The following SCO1 variants were observed in gnomAD, a reference collection of about 807,000 sequenced individuals.
SCO1 encodes cytochrome c oxidase assembly factor SCO1.
A neutral mutation model predicts 34.0 loss-of-function variants in SCO1; 23 were observed. The observed-to-expected ratio is 0.68, with a 90% confidence interval of 0.49 to 0.96. The LOEUF (loss-of-function observed/expected upper bound fraction) is 0.96. Among genes scored for constraint, SCO1 ranks in the 40% least tolerant of loss-of-function variants. The pLI, the probability that SCO1 is intolerant of heterozygous loss-of-function variation, is 0.00. For synonymous variants in SCO1, 161 were observed against 145.5 expected (o/e 1.11, Z -0.77); for missense variants, 404 against 381.6 (o/e 1.06, Z -0.49).
At chr17:10,687,803 C>A (rs1052391674) in intron 4 of SCO1, among the ~76,000 whole-genome samples, 1 of 152,122 alleles carries the variant, frequency 6.6e-6, no homozygotes, top group Non-Finnish European at 1.5e-5. Flanking sequence ...TTGAAAATTA[C>A]CATAAAGTCT....
intron 5 of SCO1, among the ~76,000 whole-genome samples, chr17:10,684,392 C>G (rs921922550): frequency 1.3e-5 from 2 of 152,088 alleles, no homozygotes; most frequent in Non-Finnish European, 2.9e-5. Context: ...GCAGGCTACA[C>G]GATTAAAGGT....
At position 10,692,941 on chromosome 17, in the gene SCO1, G is replaced by A. The variant is rs1199224400; in HGVS notation, c.385C>T (p.Arg129Ter). 8 of 1,614,022 alleles carry A rather than the reference G, an allele frequency of 5.0e-6. No homozygotes were observed. Among genetic ancestry groups the A allele is most frequent in the South Asian group, 3.3e-5 (3 of 91,078 alleles). The change falls in exon 3 of 6, where the codon CGA becomes TGA. Residue 129 changes from arginine (R) to a stop codon, truncating the protein, a stop_gained. Coordinates refer to ENST00000255390, the MANE Select transcript of SCO1 (RefSeq NM_004589.4). LOFTEE classifies it high-confidence loss of function. The stretch of plus-strand genomic sequence containing the variant: ...CCAAGTAAAGGCTTGCCGATGTGTC[G>A]CTGCCGTTCCTTCTCTAACTCTTAA... ...KAEKLEKERQRHIGKPLLGGP... is the reference protein window; with the variant it reads ...KAEKLEKERQ
intron 4 of SCO1, among the ~76,000 whole-genome samples, chr17:10,687,292 C>T (rs2074662611): frequency 6.6e-6 from 1 of 152,182 alleles, no homozygotes; most frequent in African/African-American, 2.4e-5. Context: ...AATTTCAACA[C>T]TGGTATCAAG....
Position 10,681,051 on chromosome 17 carries a change from A to C in SCO1, c.*68T>G, listed in dbSNP as rs956727527. 5.2e-6 allele frequency: 8 copies of C among 1,552,534 alleles called. No individual in the cohort carries two copies. The highest frequency in any genetic ancestry group is 5.3e-6 in the Non-Finnish European group (6 of 1,124,262). On this transcript the variant is annotated 3_prime_UTR_variant, in exon 6 of 6. Coordinates refer to ENST00000255390, the MANE Select transcript of SCO1 (RefSeq NM_004589.4). ...CACGTATATATGTTTATATTTATATAGGCTCCTATGCGAGACAGTTTCCTT... is the reference window on the plus strand; with the variant it reads ...CACGTATATATGTTTATATTTATATCGGCTCCTATGCGAGACAGTTTCCTT...
chr17:10,681,350 T>A, intron 5 of SCO1, 97 bp from the exon 6 acceptor site: 1 of 1,280,228 alleles, frequency 7.8e-7, no homozygotes, highest in Admixed American at 1.7e-5. Flanking sequence ...TTTACATTAA[T>A]GCTTAAATAA....
At position 10,692,937 on chromosome 17, in the gene SCO1, T is replaced by G; in HGVS notation, c.389A>C (p.His130Pro). The G allele has an allele frequency of 6.2e-7, 1 of 1,614,152 alleles. No homozygotes were observed. The highest frequency in any genetic ancestry group is 8.5e-7 in the Non-Finnish European group (1 of 1,180,034). The change falls in exon 3 of 6, where the codon CAC becomes CCC. Residue 130 changes from histidine to proline, a missense_variant. Coordinates refer to ENST00000255390, the MANE Select transcript of SCO1 (RefSeq NM_004589.4). Reference protein sequence around the residue: ...AEKLEKERQRHIGKPLLGGPF... With the variant: ...AEKLEKERQRPIGKPLLGGPF... ...TCCCCCAAGTAAAGGCTTGCCGATGTGTCGCTGCCGTTCCTTCTCTAACTC... is the reference window on the plus strand; with the variant it reads ...TCCCCCAAGTAAAGGCTTGCCGATGGGTCGCTGCCGTTCCTTCTCTAACTC...
chr17:10,693,709 G>C (rs1347210706), intron 2 of SCO1, among the ~76,000 whole-genome samples: 2 of 152,164 alleles, frequency 1.3e-5, no homozygotes, highest in South Asian at 4.1e-4. Flanking sequence ...GCTGATACCA[G>C]GGTTGCGGCA....
At chr17:10,691,141 A>G (rs2074687000) in intron 4 of SCO1, among the ~76,000 whole-genome samples, 1 of 152,188 alleles carries the variant, frequency 6.6e-6, no homozygotes, top group African/African-American at 2.4e-5. Context: ...TATCTTTAAG[A>G]CAGAGTCTAG....
At chr17:10,691,709 CACTA>C (rs2074690481) in intron 4 of SCO1, among the ~76,000 whole-genome samples, 159 bp downstream of exon 4, 1 of 152,192 alleles carries the variant, frequency 6.6e-6, no homozygotes, top group Admixed American at 6.5e-5. Flanking sequence ...CTTACTTACG[CACTA>C]ACTATCCATA....
At chr17:10,686,991 G>A (rs148024980) in intron 4 of SCO1, 149 bp from the exon 5 acceptor site, 7 of 668,230 alleles carry the variant, frequency 1.0e-5, no homozygotes, top group Admixed American at 2.4e-5. Context: ...AAAGGAAAAG[G>A]AGAAGAAATT....
chr17:10,696,703 C>G (rs995643688), intron 1 of SCO1, among the ~76,000 whole-genome samples: 2 of 152,118 alleles, frequency 1.3e-5, no homozygotes, highest in African/African-American at 4.8e-5. Context: ...TTAACCTTCC[C>G]GTAGCTCCAA....
intron 4 of SCO1, among the ~76,000 whole-genome samples, chr17:10,687,906 A>G (rs991684400): frequency 9.9e-5 from 15 of 152,056 alleles, no homozygotes; most frequent in South Asian, 8.3e-4. Context: ...AATATAACAC[A>G]TGTTTAAATT....
intron 4 of SCO1, among the ~76,000 whole-genome samples, chr17:10,690,570 TCA>T (rs890190957): frequency 7.2e-5 from 11 of 152,152 alleles, no homozygotes; most frequent in Non-Finnish European, 5.9e-5. Context: ...CAAAGATACC[TCA>T]CACACACCAT....
At position 10,686,916 on chromosome 17, in the gene SCO1, T is replaced by G. The variant is rs1392570560; in HGVS notation, c.656-74A>C. ...AACCATCTCTACTTCAAAAAATGTA[T>G]CAGTTGTAAAGCAGCTCTACTGCCA... On this transcript the variant is annotated intron_variant, in intron 4 of 5. Transcript: ENST00000255390. 9 of 965,228 alleles carry G rather than the reference T, an allele frequency of 9.3e-6. No individual in the cohort carries two copies. The East Asian group carries it at 1.7e-4, about 18-fold the overall frequency. 59.8% of individuals were successfully genotyped at this position (965,228 alleles called of 1,614,324 possible).
rs972713377 is a variant in SCO1, at chr17:10,689,043, G to A, written c.656-2201C>T. 2.9e-5 allele frequency among the ~76,000 whole-genome samples: 4 copies of A among 139,616 alleles called. 1 individual carries two copies. Among genetic ancestry groups the A allele is most frequent in the Admixed American group, 1.4e-4 (2 of 14,480 alleles). 91.6% of individuals were successfully genotyped at this position (139,616 alleles called of 152,430 possible). ...AGGCAGGAGAATGGCGTGAACCCGG[G>A]AGGCGGAGCTTGCAGTGAGCCGAGA... is the stretch of plus-strand genomic sequence containing the variant. On this transcript the variant is annotated intron_variant, in intron 4 of 5. Coordinates refer to ENST00000255390, the MANE Select transcript of SCO1 (RefSeq NM_004589.4).
At chr17:10,687,099 G>A (rs1597507443) in intron 4 of SCO1, among the ~76,000 whole-genome samples, 1 of 152,078 alleles carries the variant, frequency 6.6e-6, no homozygotes, top group South Asian at 2.1e-4. Context: ...CTAATCACTT[G>A]TATCACATTT....
chr17:10,695,916 A>G, intron 1 of SCO1, 85 bp from the exon 2 acceptor site: 1 of 958,296 alleles, frequency 1.0e-6, no homozygotes, highest in Admixed American at 1.8e-5. Context: ...AGTTTTTAAT[A>G]TACATACACA....
intron 4 of SCO1, among the ~76,000 whole-genome samples, chr17:10,691,440 A>C (rs2074688598): frequency 6.6e-6 from 1 of 152,250 alleles, no homozygotes; most frequent in African/African-American, 2.4e-5. Context: ...TTTTAAATTT[A>C]TAAAACATGC....
rs1194022464 is a variant in SCO1 at position 10,697,228 on chromosome 17, C to G, written c.273+7G>C. The G allele has an allele frequency of 6.5e-7, 1 of 1,545,538 alleles. No individual in the cohort carries two copies. Among genetic ancestry groups the G allele is most frequent in the Middle Eastern group, 2.4e-4 (1 of 4,230 alleles). On this transcript the variant is annotated splice_region_variant and intron_variant, in intron 1 of 5. Transcript: ENST00000255390. ...GAGCACCAGAAGGGTTCCAGGTGTG[C>G]ACTCACCCCGGGCTTCGAGGGGCGC...
Sources: allele counts gnomAD v4.1 joint callset (sites outside exome capture counted in the v4.1 genomes callset), GRCh38; gene constraint gnomAD v4.1.1; transcripts MANE v1.5; gene names NCBI Gene and HGNC (gene_info 2026-07-23, HGNC 2026-07-21).